Variants in DRC5 observed in about 807,000 individuals in gnomAD.
The protein encoded by DRC5 is dynein regulatory complex subunit 5.
At chr6:44,284,088 C>T in the DRC5 span, among the ~76,000 whole-genome samples, 125 of 152,258 alleles carry the variant, frequency 8.2e-4, no homozygotes, top group Admixed American at 1.6e-3. Context: ...TTTTCCCCTT[C>T]GCAGCCAAGT....
At chr6:44,281,062 T>C in the DRC5 span, among the ~76,000 whole-genome samples, 1 of 152,174 alleles carries the variant, frequency 6.6e-6, no homozygotes, top group African/African-American at 2.4e-5. Context: ...TGTGTGTGCG[T>C]GTATGTGCCT....
the DRC5 span, among the ~76,000 whole-genome samples, chr6:44,296,809 C>A: frequency 6.6e-6 from 1 of 152,226 alleles, no homozygotes; most frequent in Non-Finnish European, 1.5e-5. Flanking sequence ...GTTCTCAGGG[C>A]TCTGGGCTTT....
At chr6:44,290,446 C>T in the DRC5 span, among the ~76,000 whole-genome samples, 2 of 152,172 alleles carry the variant, frequency 1.3e-5, no homozygotes, top group Admixed American at 1.3e-4. Context: ...GCAGAGACCA[C>T]ATCCAGGAGA....
chr6:44,296,210 C>T, the DRC5 span, among the ~76,000 whole-genome samples: 1 of 152,218 alleles, frequency 6.6e-6, no homozygotes, highest in African/African-American at 2.4e-5. Context: ...TTGCTCCCAA[C>T]TCAGTCATTC....
At chr6:44,282,478 C>T in the DRC5 span, 3,846 of 1,611,492 alleles carry the variant, frequency 2.4e-3, 2 homozygotes, top group Non-Finnish European at 2.9e-3. Flanking sequence ...TCCAGCTCCT[C>T]GAGGACTGGG....
chr6:44,285,753 A>G, the DRC5 span, among the ~76,000 whole-genome samples: 7 of 152,318 alleles, frequency 4.6e-5, no homozygotes, highest in South Asian at 2.1e-4. Context: ...TGTTTGTTCA[A>G]TGAAACCAAC....
At chr6:44,289,181 C>A in the DRC5 span, among the ~76,000 whole-genome samples, 2 of 150,620 alleles carry the variant, frequency 1.3e-5, no homozygotes, top group Admixed American at 1.3e-4. Context: ...GGATTACAGG[C>A]GCCTGCCACC....
chr6:44,280,301 G>C, the DRC5 span: 1 of 1,614,218 alleles, frequency 6.2e-7, no homozygotes, highest in East Asian at 2.2e-5. Flanking sequence ...TGAGGTACTC[G>C]CTTTCCTGGG....
At chr6:44,280,283 C>A in the DRC5 span, 1 of 1,614,212 alleles carries the variant, frequency 6.2e-7, no homozygotes, top group Non-Finnish European at 8.5e-7. Context: ...CGTAGAGGGC[C>A]TGGCCAATGA....
chr6:44,294,282 T>G, the DRC5 span, among the ~76,000 whole-genome samples: 1 of 152,200 alleles, frequency 6.6e-6, no homozygotes, highest in Admixed American at 6.5e-5. Flanking sequence ...GCACCCAGCC[T>G]AATGTAGCAA....
At chr6:44,287,659 G>A in the DRC5 span, 1 of 1,614,216 alleles carries the variant, frequency 6.2e-7, no homozygotes, top group Non-Finnish European at 8.5e-7. Context: ...ACGGATATTG[G>A]CCCTGGGATG....
At chr6:44,282,516 C>T in the DRC5 span, 18 of 1,602,604 alleles carry the variant, frequency 1.1e-5, no homozygotes, top group East Asian at 1.1e-4. Context: ...AATTATGATG[C>T]GTGCCTTGTC....
At chr6:44,293,306 C>CAA in the DRC5 span, among the ~76,000 whole-genome samples, 76 of 88,770 alleles carry the variant, frequency 8.6e-4, no homozygotes, top group African/African-American at 1.4e-3. Flanking sequence ...ACTATCCTCT[C>CAA]AAAAAAAAAA....
chr6:44,297,506 C>T, the DRC5 span, among the ~76,000 whole-genome samples: 1 of 152,358 alleles, frequency 6.6e-6, no homozygotes, highest in East Asian at 1.9e-4. Flanking sequence ...CGCTTCCCCG[C>T]CACGGAAAAC....
chr6:44,281,341 T>G, the DRC5 span, among the ~76,000 whole-genome samples: 1 of 152,188 alleles, frequency 6.6e-6, no homozygotes, highest in Non-Finnish European at 1.5e-5. Context: ...TCAGCATATA[T>G]CACGTCATAA....
chr6:44,289,022 A>AAAAAAAAAAAAG, the DRC5 span, among the ~76,000 whole-genome samples: 4 of 136,564 alleles, frequency 2.9e-5, no homozygotes, highest in Admixed American at 7.7e-5. Context: ...AAAAAAAAAA[A>AAAAAAAAAAAAG]GAAAAACAGG....
the DRC5 span, chr6:44,286,336 C>G: frequency 2.5e-6 from 4 of 1,613,808 alleles, no homozygotes; most frequent in Admixed American, 6.7e-5. Flanking sequence ...TCTCCAGGTG[C>G]CGCTCGAAGA....
the DRC5 span, among the ~76,000 whole-genome samples, chr6:44,284,779 A>G: frequency 6.6e-6 from 1 of 152,150 alleles, no homozygotes; most frequent in Non-Finnish European, 1.5e-5. Context: ...TTGAGTCTCC[A>G]CAGACACTAC....
chr6:44,291,697 G>A, the DRC5 span, among the ~76,000 whole-genome samples: 3 of 152,214 alleles, frequency 2.0e-5, no homozygotes, highest in Non-Finnish European at 2.9e-5. Flanking sequence ...ACCTCTTCCA[G>A]GTGGGGTTTC....
Sources: allele counts gnomAD v4.1 joint callset (sites outside exome capture counted in the v4.1 genomes callset), GRCh38; gene constraint gnomAD v4.1.1; transcripts MANE v1.5; gene names NCBI Gene and HGNC (gene_info 2026-07-23, HGNC 2026-07-21).